The following NRG1 variants were observed in gnomAD, a reference collection of about 807,000 sequenced individuals.
The protein encoded by NRG1 is pro-neuregulin-1, membrane-bound isoform.
Under a neutral mutation model 63.8 loss-of-function variants are expected in NRG1, and 18 were observed. The observed-to-expected ratio is 0.28, with a 90% confidence interval of 0.19 to 0.42. The LOEUF (loss-of-function observed/expected upper bound fraction) is 0.42. NRG1 is among the 10% of genes least tolerant of loss of function. The probability of loss-of-function intolerance (pLI) is 1.00; values close to 1 mark genes in which losing one functional copy is unlikely to be tolerated. For missense variants in NRG1, 762 were observed against 814.7 expected, an observed-to-expected ratio of 0.94 and a Z score of 0.79; for synonymous variants, 302 against 301.3, an observed-to-expected ratio of 1.00 and a Z score of -0.02.
At chr8:32,714,676 A>C (rs1030723364) in intron 5 of NRG1, among the ~76,000 whole-genome samples, 1 of 152,236 alleles carries the variant, frequency 6.6e-6, no homozygotes, top group Non-Finnish European at 1.5e-5. Context: ...TCTACAAAAA[A>C]CTAAAGAATA....
chr8:32,450,468 G>T (rs942504172), intron 1 of NRG1, among the ~76,000 whole-genome samples: 8 of 152,060 alleles, frequency 5.3e-5, no homozygotes, highest in Admixed American at 2.0e-4. Context: ...CCAGGCTGGA[G>T]TACAGTCACG....
intron 1 of NRG1, among the ~76,000 whole-genome samples, chr8:32,195,519 CT>C (rs942416938): frequency 6.3e-4 from 95 of 151,942 alleles, no homozygotes; most frequent in African/African-American, 2.2e-3. Context: ...TAGTCAAAGC[CT>C]ATTTATATCT....
chr8:32,330,625 T>C (rs929871102), intron 1 of NRG1, among the ~76,000 whole-genome samples: 3 of 152,212 alleles, frequency 2.0e-5, no homozygotes, highest in African/African-American at 4.8e-5. Flanking sequence ...TGTCCAGTCA[T>C]TGGGGTTGAC....
chr8:32,701,405 C>G (rs1476670269), intron 5 of NRG1, among the ~76,000 whole-genome samples: 1 of 151,902 alleles, frequency 6.6e-6, no homozygotes, highest in African/African-American at 2.4e-5. Context: ...CAGTAAATGC[C>G]CAGTTTTCAC....
chr8:32,531,480 C>A (rs924547963), intron 1 of NRG1, among the ~76,000 whole-genome samples: 2 of 151,942 alleles, frequency 1.3e-5, no homozygotes, highest in Non-Finnish European at 2.9e-5. Flanking sequence ...TCAAGAAAAG[C>A]AAAGTTTCTT....
intron 1 of NRG1, among the ~76,000 whole-genome samples, chr8:31,971,253 CAA>C (rs1157593432): frequency 1.3e-5 from 2 of 151,972 alleles, no homozygotes; most frequent in Non-Finnish European, 2.9e-5. Context: ...CTGTGTCTTT[CAA>C]AGAGCAAAAA....
At position 32,451,864 on chromosome 8, in the gene NRG1, C is replaced by T. The variant is rs367672668; in HGVS notation, c.38-143964C>T. Among the ~76,000 whole-genome samples, 78 of 152,240 alleles carry T rather than the reference C, an allele frequency of 5.1e-4. 3 individuals carry two copies. In the South Asian group the frequency reaches 0.011, roughly 22 times the overall value. Reference sequence around the variant, plus strand: ...TTTTTTAGACAAGGTCTTGCTCTGTCGCCCAGGCTAGAGTGCAGTGGTATG... The same window carrying T: ...TTTTTTAGACAAGGTCTTGCTCTGTTGCCCAGGCTAGAGTGCAGTGGTATG... On this transcript the variant is annotated intron_variant, in intron 1 of 10. Transcript: ENST00000519301.
chr8:32,408,205 T>C (rs1355030627), intron 1 of NRG1, among the ~76,000 whole-genome samples: 1 of 152,206 alleles, frequency 6.6e-6, no homozygotes, highest in Non-Finnish European at 1.5e-5. Flanking sequence ...ATGTGTTCTC[T>C]ATTTATAGGA....
chr8:32,594,485 C>T (rs1441048564), intron 1 of NRG1, among the ~76,000 whole-genome samples: 2 of 152,094 alleles, frequency 1.3e-5, no homozygotes, highest in Non-Finnish European at 2.9e-5. Flanking sequence ...CTATGATAAA[C>T]AGAATTAGAC....
At chr8:31,982,397 G>A (rs1475889112) in intron 1 of NRG1, among the ~76,000 whole-genome samples, 2 of 152,008 alleles carry the variant, frequency 1.3e-5, no homozygotes, top group East Asian at 3.9e-4. Context: ...CTATCACAAA[G>A]AGAAATTCTG....
chr8:32,434,360 A>G (rs924344241), intron 1 of NRG1, among the ~76,000 whole-genome samples: 1 of 152,152 alleles, frequency 6.6e-6, no homozygotes, highest in African/African-American at 2.4e-5. Flanking sequence ...CTGCCTTTTA[A>G]TACTAACAAT....
At chr8:32,101,143 G>A (rs1449678775) in intron 1 of NRG1, among the ~76,000 whole-genome samples, 1 of 152,116 alleles carries the variant, frequency 6.6e-6, no homozygotes, top group African/African-American at 2.4e-5. Context: ...ATTAAGTGCA[G>A]CAGCATAAAT....
chr8:32,549,595 C>T (rs1216098326), intron 1 of NRG1, among the ~76,000 whole-genome samples: 1 of 152,108 alleles, frequency 6.6e-6, no homozygotes, highest in African/African-American at 2.4e-5. Flanking sequence ...AGAAAACAAC[C>T]GTTTATCTGA....
At position 31,856,644 on chromosome 8, in the gene NRG1, C is replaced by T. The variant is rs201028641; in HGVS notation, c.37+217213C>T. On this transcript the variant is annotated intron_variant, in intron 1 of 10. Transcript: ENST00000519301. ...AGTCATTCTCCATCCAGCTTTGTTC[C>T]GTTGCTGGTGAGGAACTGCGTTCCT... Among the ~76,000 whole-genome samples the T allele has an allele frequency of 1.6e-3, 251 of 152,324 alleles. 5 individuals are homozygous for T. The East Asian group carries it at 0.042, about 25-fold the overall frequency.
At chr8:32,591,966 A>G (rs1005249434) in intron 1 of NRG1, among the ~76,000 whole-genome samples, 5 of 152,078 alleles carry the variant, frequency 3.3e-5, no homozygotes, top group African/African-American at 1.2e-4. Flanking sequence ...AAAAAAAAGA[A>G]AAAAGAACAG....
At chr8:32,556,028 G>A (rs1461211686) in intron 1 of NRG1, among the ~76,000 whole-genome samples, 1 of 152,164 alleles carries the variant, frequency 6.6e-6, no homozygotes, top group Non-Finnish European at 1.5e-5. Context: ...CCTTCTCTGG[G>A]CAGCTGTGGA....
chr8:31,663,079 C>T (rs890945213), intron 1 of NRG1, among the ~76,000 whole-genome samples: 9 of 152,158 alleles, frequency 5.9e-5, no homozygotes, highest in Admixed American at 3.3e-4. Context: ...ATGGAACACC[C>T]AGGCAATGGG....
At chr8:32,353,953 G>A (rs983207731) in intron 1 of NRG1, among the ~76,000 whole-genome samples, 1 of 152,186 alleles carries the variant, frequency 6.6e-6, no homozygotes, top group Non-Finnish European at 1.5e-5. Flanking sequence ...TAAACAAATT[G>A]CGGCATATAC....
chr8:32,421,477 A>G (rs192123402), intron 1 of NRG1, among the ~76,000 whole-genome samples: 1 of 152,332 alleles, frequency 6.6e-6, no homozygotes, highest in Admixed American at 6.5e-5. Flanking sequence ...GGCACGCCGC[A>G]TGATGAGTGA....
Sources: allele counts gnomAD v4.1 joint callset (sites outside exome capture counted in the v4.1 genomes callset), GRCh38; gene constraint gnomAD v4.1.1; transcripts MANE v1.5; gene names NCBI Gene and HGNC (gene_info 2026-07-23, HGNC 2026-07-21).